Variants in FZD1 observed in about 807,000 individuals in gnomAD.
FZD1 encodes frizzled class receptor 1.
Under a neutral mutation model 48.0 loss-of-function variants are expected in FZD1, and 22 were observed. That is an observed-to-expected ratio of 0.46 (90% CI 0.33 to 0.65). The LOEUF (loss-of-function observed/expected upper bound fraction) is 0.65, where lower values mean the gene tolerates loss of function less well. Among genes scored for constraint, FZD1 ranks in the 30% least tolerant of loss-of-function variants. The pLI is 0.02. For missense variants in FZD1, 843 were observed against 898.1 expected (o/e 0.94, Z 0.78); for synonymous variants, 486 against 409.6 (o/e 1.19, Z -2.25).
Position 91,266,165 on chromosome 7 carries a change from C to G in FZD1, c.1285C>G (p.Leu429Val). 1 of 1,614,196 alleles carries G rather than the reference C, an allele frequency of 6.2e-7. No individual in the cohort carries two copies. Among genetic ancestry groups the G allele is most frequent in the Non-Finnish European group, 8.5e-7 (1 of 1,180,038 alleles). Residue 429 changes from leucine (L) to valine (V), a missense_variant, in exon 1 of 1, where the codon CTG becomes GTG. This residue lies in a region of FZD1 where 353 missense variants were observed against 431.6 expected (regional missense o/e 0.82). Coordinates refer to ENST00000287934, the MANE Select transcript of FZD1 (RefSeq NM_003505.2). The surrounding 1 kb of genome is among the most constrained non-coding windows in gnomAD (Gnocchi z 6.8). ...GGTGATCCTGTCGCTCACCTGGTTC[C>G]TGGCGGCTGGCATGAAGTGGGGCCA... is the stretch of plus-strand genomic sequence containing the variant. ...WWVILSLTWF[L>V]AAGMKWGHEA...
In FZD1 at chr7:91,265,606, G is replaced by A; in HGVS notation, c.726G>A (p.Leu242=). 6.2e-7 allele frequency: 1 copy of A among 1,607,392 alleles called. No homozygotes were observed. Residue 242 remains leucine (L), a synonymous_variant, in exon 1 of 1, where the codon CTG becomes CTA. Transcript: ENST00000287934. The surrounding 1 kb of genome is among the most constrained non-coding windows in gnomAD (Gnocchi z 6.9). ...TSDKGTPTPS[L]LPEFWTSNPQ... Reference sequence around the variant, plus strand: ...ACAAGGGCACCCCGACGCCCTCGCTGCTTCCAGAGTTCTGGACCAGCAACC... The same window carrying A: ...ACAAGGGCACCCCGACGCCCTCGCTACTTCCAGAGTTCTGGACCAGCAACC...
At position 91,264,630 on chromosome 7, in the gene FZD1, A is replaced by G; in HGVS notation, c.-251A>G. 2.6e-6 allele frequency: 1 copy of G among 383,004 alleles called. No homozygotes were observed. The highest frequency in any genetic ancestry group is 4.6e-6 in the Non-Finnish European group (1 of 216,502). 23.7% of individuals were successfully genotyped at this position (383,004 alleles called of 1,614,324 possible). A position where few individuals can be genotyped will look rare whatever the true frequency, so the allele number is the denominator to read the frequency against. On this transcript the variant is annotated 5_prime_UTR_variant, in exon 1 of 1. Coordinates refer to ENST00000287934, the MANE Select transcript of FZD1 (RefSeq NM_003505.2). ...GGGAGCCAGCGAGCCGAGGGCCAGG[A>G]AGGCGGGACACGACCCCGGCGCGCC...
chr7:91,265,846 G>C lies in FZD1; in HGVS notation c.966G>C (p.Trp322Cys). Reference protein sequence around the residue: ...GPEELRFSRTWIGIWSVLCCA... With the variant: ...GPEELRFSRTCIGIWSVLCCA... ...AGGAGCTGCGCTTCTCGCGCACCTG[G>C]ATTGGCATTTGGTCAGTGCTGTGCT... The change falls in exon 1 of 1, where the codon TGG becomes TGC. Residue 322 changes from tryptophan (W) to cysteine (C), a missense_variant. Around this residue, in one of 2 missense-constraint regions of FZD1, gnomAD observed 490 missense variants for 466.5 expected, o/e 1.05. Transcript: ENST00000287934. The surrounding 1 kb of genome is among the most constrained non-coding windows in gnomAD (Gnocchi z 6.9). 2.5e-6 allele frequency: 4 copies of C among 1,614,056 alleles called. No individual in the cohort carries two copies. The highest frequency in any genetic ancestry group is 1.3e-5 in the African/African-American group (1 of 75,060).
rs1435003496 is a variant in FZD1 at position 91,268,683 on chromosome 7, AT to A, written c.*1862del. 4.8e-5 allele frequency: 8 copies of A among 166,024 alleles called. No individual in the cohort carries two copies. Among genetic ancestry groups the A allele is most frequent in the Middle Eastern group, 3.1e-3 (1 of 318 alleles). The allele number at this position is 166,024 out of a possible 1,614,324, so 10.3% of individuals were successfully genotyped here. ...ATATATATATAATACCATATTTTTA[AT>A]TTCACAAATAAAAAATTCAAAGTTT... On this transcript the variant is annotated 3_prime_UTR_variant, in exon 1 of 1. Transcript: ENST00000287934.
Position 91,265,060 on chromosome 7 carries a change from G to C in FZD1, c.180G>C (p.Trp60Cys). ...CGCGCCAGCTGCTGCTGCTGCTTTGGCTGCTGGAGGCTCCGCTGCTGCTGG... is the reference window on the plus strand; with the variant it reads ...CGCGCCAGCTGCTGCTGCTGCTTTGCCTGCTGGAGGCTCCGCTGCTGCTGG... ...RLARQLLLLLWLLEAPLLLGV... is the reference protein window; with the variant it reads ...RLARQLLLLLCLLEAPLLLGV... The change falls in exon 1 of 1, where the codon TGG becomes TGC. Residue 60 changes from tryptophan to cysteine, a missense_variant. Around this residue, in one of 2 missense-constraint regions of FZD1, gnomAD observed 490 missense variants for 466.5 expected, o/e 1.05. Coordinates refer to ENST00000287934, the MANE Select transcript of FZD1 (RefSeq NM_003505.2). This position sits in a 1 kb window ranked among gnomAD's most constrained non-coding sequence, Gnocchi z 6.9. 4 of 1,377,632 alleles carry C rather than the reference G, an allele frequency of 2.9e-6. No individual in the cohort carries two copies. The highest frequency in any genetic ancestry group is 3.7e-6 in the Non-Finnish European group (4 of 1,070,178). 85.3% of individuals were successfully genotyped at this position (1,377,632 alleles called of 1,614,324 possible). A position where few individuals can be genotyped will look rare whatever the true frequency, so the allele number is the denominator to read the frequency against.
chr7:91,267,696 T>C lies in FZD1; in HGVS notation c.*872T>C, dbSNP rs751867283. On this transcript the variant is annotated 3_prime_UTR_variant, in exon 1 of 1. Transcript: ENST00000287934. ...CAGACACTCCCTTCTCCCACCTTAG[T>C]TGGTTACAGGGTGAGTGAGATAACC... The C allele has an allele frequency of 1.1e-4, 19 of 167,048 alleles. No individual in the cohort carries two copies. The highest frequency in any genetic ancestry group is 1.3e-4 in the Non-Finnish European group (9 of 68,150). 10.3% of individuals were successfully genotyped at this position (167,048 alleles called of 1,614,324 possible).
At position 91,265,025 on chromosome 7, in the gene FZD1, C is replaced by A. The variant is rs1330007589; in HGVS notation, c.145C>A (p.Arg49=). ...GGRRRPPVDP[R]RLARQLLLLL... ...CCGCCGCCGCCCGCCAGTTGACCCC[C>A]GGCGATTGGCGCGCCAGCTGCTGCT... is the stretch of plus-strand genomic sequence containing the variant. Residue 49 remains arginine (R), a synonymous_variant, in exon 1 of 1, where the codon CGG becomes AGG. Transcript: ENST00000287934. The surrounding 1 kb of genome is among the most constrained non-coding windows in gnomAD (Gnocchi z 6.9). 1 of 1,407,586 alleles carries A rather than the reference C, an allele frequency of 7.1e-7. No homozygotes were observed. Among genetic ancestry groups the A allele is most frequent in the East Asian group, 3.1e-5 (1 of 32,518 alleles). The allele number at this position is 1,407,586 out of a possible 1,614,324, so 87.2% of individuals were successfully genotyped here.
In FZD1 at chr7:91,268,676, A is replaced by G. The variant is rs1803926769; in HGVS notation, c.*1852A>G. ...GAAGTTTATATATATATAATACCAT[A>G]TTTTTAATTTCACAAATAAAAAATT... On this transcript the variant is annotated 3_prime_UTR_variant, in exon 1 of 1. Transcript: ENST00000287934. 4.2e-5 allele frequency: 7 copies of G among 166,086 alleles called. No homozygotes were observed. In the Admixed American group the frequency reaches 4.6e-4, roughly 11 times the overall value. The allele number at this position is 166,086 out of a possible 1,614,324, so 10.3% of individuals were successfully genotyped here. A position where few individuals can be genotyped will look rare whatever the true frequency, so the allele number is the denominator to read the frequency against.
rs930479844 is a variant in FZD1 at position 91,271,074 on chromosome 7, G to A, written c.*4250G>A. 2 of 167,102 alleles carry A rather than the reference G, an allele frequency of 1.2e-5. No homozygotes were observed. Among genetic ancestry groups the A allele is most frequent in the Middle Eastern group, 3.4e-3 (1 of 296 alleles). 10.4% of individuals were successfully genotyped at this position (167,102 alleles called of 1,614,324 possible). On this transcript the variant is annotated 3_prime_UTR_variant, in exon 1 of 1. Transcript: ENST00000287934. ...ATCTTACAAGGGAAGTACCAAAAAAGTAAAGTTTATTTTGATGACTCTCAA... is the reference window on the plus strand; with the variant it reads ...ATCTTACAAGGGAAGTACCAAAAAAATAAAGTTTATTTTGATGACTCTCAA...
rs953486950 is a variant in FZD1, at chr7:91,265,024, C to A, written c.144C>A (p.Pro48=). 1 of 1,409,310 alleles carries A rather than the reference C, an allele frequency of 7.1e-7. No individual in the cohort carries two copies. 87.3% of individuals were successfully genotyped at this position (1,409,310 alleles called of 1,614,324 possible). ...AGGRRRPPVD[P]RRLARQLLLL... ...GCCGCCGCCGCCCGCCAGTTGACCCCCGGCGATTGGCGCGCCAGCTGCTGC... is the reference window on the plus strand; with the variant it reads ...GCCGCCGCCGCCCGCCAGTTGACCCACGGCGATTGGCGCGCCAGCTGCTGC... Residue 48 remains proline (P), a synonymous_variant, in exon 1 of 1, where the codon CCC becomes CCA. Coordinates refer to ENST00000287934, the MANE Select transcript of FZD1 (RefSeq NM_003505.2). The surrounding 1 kb of genome is among the most constrained non-coding windows in gnomAD (Gnocchi z 6.9).
Position 91,266,965 on chromosome 7 carries a change from T to A in FZD1, c.*141T>A. The A allele has an allele frequency of 1.6e-6, 1 of 617,118 alleles. No individual in the cohort carries two copies. Among genetic ancestry groups the A allele is most frequent in the Non-Finnish European group, 2.9e-6 (1 of 344,388 alleles). 38.2% of individuals were successfully genotyped at this position (617,118 alleles called of 1,614,324 possible). On this transcript the variant is annotated 3_prime_UTR_variant, in exon 1 of 1. Coordinates refer to ENST00000287934, the MANE Select transcript of FZD1 (RefSeq NM_003505.2). This position sits in a 1 kb window ranked among gnomAD's most constrained non-coding sequence, Gnocchi z 6.8. ...TCTTTCGCAGGCTCCTTTGAACAAC[T>A]CAGCTCCTGCAAAAGCTTCCGTCCC...
Position 91,266,618 on chromosome 7 carries a change from C to G in FZD1, c.1738C>G (p.Pro580Ala). 3 of 1,613,356 alleles carry G rather than the reference C, an allele frequency of 1.9e-6. No individual in the cohort carries two copies. Among genetic ancestry groups the G allele is most frequent in the Non-Finnish European group, 2.5e-6 (3 of 1,179,944 alleles). ...CCAGAGCTGCAAGAGCTACGCTATC[C>G]CCTGCCCTCACCTCCAGGCGGGCGG... Reference protein sequence around the residue: ...VAQSCKSYAIPCPHLQAGGGA... With the variant: ...VAQSCKSYAIACPHLQAGGGA... The change falls in exon 1 of 1, where the codon CCC becomes GCC. Residue 580 changes from proline (P) to alanine (A), a missense_variant. Coordinates refer to ENST00000287934, the MANE Select transcript of FZD1 (RefSeq NM_003505.2). This position sits in a 1 kb window ranked among gnomAD's most constrained non-coding sequence, Gnocchi z 6.8.
rs1803911313 is a variant in FZD1, at chr7:91,267,817, A to G, written c.*993A>G. ...TATGGGTTTGGCCAGCGTCATGGAA[A>G]GATGTGGTTACTGAGATTTGGGAAG... On this transcript the variant is annotated 3_prime_UTR_variant, in exon 1 of 1. Coordinates refer to ENST00000287934, the MANE Select transcript of FZD1 (RefSeq NM_003505.2). 2 of 167,112 alleles carry G rather than the reference A, an allele frequency of 1.2e-5. No individual in the cohort carries two copies. The highest frequency in any genetic ancestry group is 1.3e-4 in the Admixed American group (2 of 15,288). The allele number at this position is 167,112 out of a possible 1,614,324, so 10.4% of individuals were successfully genotyped here.
Position 91,266,266 on chromosome 7 carries a change from C to T in FZD1, c.1386C>T (p.Ile462=), listed in dbSNP as rs150597135. The part of the protein sequence containing the change: ...WAVPAIKTIT[I]LALGQVDGDV... ...TGCCGGCCATCAAGACCATCACCAT[C>T]CTGGCGCTGGGCCAGGTGGACGGCG... The change falls in exon 1 of 1, where the codon ATC becomes ATT. Residue 462 remains isoleucine (I), a synonymous_variant. Transcript: ENST00000287934. This position sits in a 1 kb window ranked among gnomAD's most constrained non-coding sequence, Gnocchi z 6.8. 3.7e-6 allele frequency: 6 copies of T among 1,614,064 alleles called. No homozygotes were observed. The South Asian group carries it at 4.4e-5, about 12-fold the overall frequency.
rs750107627 is a variant in FZD1 at position 91,264,908 on chromosome 7, T to A, written c.28T>A (p.Ser10Thr). 2.1e-5 allele frequency: 28 copies of A among 1,322,920 alleles called. 1 individual carries two copies. The South Asian group carries it at 3.0e-4, about 14-fold the overall frequency. The allele number at this position is 1,322,920 out of a possible 1,614,324, so 81.9% of individuals were successfully genotyped here. Residue 10 changes from serine to threonine, a missense_variant, in exon 1 of 1, where the codon TCC becomes ACC. By Grantham distance (58) the Ser-to-Thr change is moderately conservative. This residue lies in a region of FZD1 where 490 missense variants were observed against 466.5 expected (regional missense o/e 1.05). Coordinates refer to ENST00000287934, the MANE Select transcript of FZD1 (RefSeq NM_003505.2). MAEEEAPKK[S>T]RAAGGGASWE... ...GGCTGAGGAGGAGGCGCCTAAGAAGTCCCGGGCCGCCGGCGGTGGCGCGAG... is the reference window on the plus strand; with the variant it reads ...GGCTGAGGAGGAGGCGCCTAAGAAGACCCGGGCCGCCGGCGGTGGCGCGAG...
Position 91,265,878 on chromosome 7 carries a change from C to T in FZD1, c.998C>T (p.Ser333Phe), listed in dbSNP as rs751929647. Reference protein sequence around the residue: ...IGIWSVLCCASTLFTVLTYLV... With the variant: ...IGIWSVLCCAFTLFTVLTYLV... Reference sequence around the variant, plus strand: ...ATTTGGTCAGTGCTGTGCTGCGCCTCCACGCTCTTCACGGTGCTTACGTAC... The same window carrying T: ...ATTTGGTCAGTGCTGTGCTGCGCCTTCACGCTCTTCACGGTGCTTACGTAC... Residue 333 changes from serine to phenylalanine, a missense_variant, in exon 1 of 1, where the codon TCC becomes TTC. This residue lies in a region of FZD1 where 353 missense variants were observed against 431.6 expected (regional missense o/e 0.82). Transcript: ENST00000287934. The surrounding 1 kb of genome is among the most constrained non-coding windows in gnomAD (Gnocchi z 6.9). 6.2e-7 allele frequency: 1 copy of T among 1,614,030 alleles called. No individual in the cohort carries two copies. The highest frequency in any genetic ancestry group is 1.1e-5 in the South Asian group (1 of 91,076).
Position 91,264,465 on chromosome 7 carries a change from GC to G in FZD1, c.-415del. ...GGGCGCGCGAGGCAGAGGAGAGGGAGCGAGTTGAGGGATTGACACAAATGGT... is the reference window on the plus strand; with the variant it reads ...GGGCGCGCGAGGCAGAGGAGAGGGAGGAGTTGAGGGATTGACACAAATGGT... On this transcript the variant is annotated 5_prime_UTR_variant, in exon 1 of 1. Coordinates refer to ENST00000287934, the MANE Select transcript of FZD1 (RefSeq NM_003505.2). 4.0e-6 allele frequency: 1 copy of G among 250,486 alleles called. No individual in the cohort carries two copies. Among genetic ancestry groups the G allele is most frequent in the Non-Finnish European group, 7.6e-6 (1 of 130,956 alleles). 15.5% of individuals were successfully genotyped at this position (250,486 alleles called of 1,614,324 possible).
Position 91,267,029 on chromosome 7 carries a change from GGAT to G in FZD1, c.*207_*209del. The G allele has an allele frequency of 1.8e-6, 1 of 549,402 alleles. No homozygotes were observed. The highest frequency in any genetic ancestry group is 3.4e-5 in the Admixed American group (1 of 29,556). The allele number at this position is 549,402 out of a possible 1,614,324, so 34.0% of individuals were successfully genotyped here. A position where few individuals can be genotyped will look rare whatever the true frequency, so the allele number is the denominator to read the frequency against. ...CACGAGGGCCCGACTGCCAGAGGGAGGATGGACAGACCTCTTGCCCTCACACTC... is the reference window on the plus strand; with the variant it reads ...CACGAGGGCCCGACTGCCAGAGGGAGGGACAGACCTCTTGCCCTCACACTC... On this transcript the variant is annotated 3_prime_UTR_variant, in exon 1 of 1. Transcript: ENST00000287934.
rs755035659 is a variant in FZD1, at chr7:91,265,355, G to A, written c.475G>A (p.Val159Met). 6.2e-7 allele frequency: 1 copy of A among 1,614,124 alleles called. No individual in the cohort carries two copies. Among genetic ancestry groups the A allele is most frequent in the South Asian group, 1.1e-5 (1 of 91,082 alleles). The change falls in exon 1 of 1, where the codon GTG becomes ATG. Residue 159 changes from valine to methionine, a missense_variant. Around this residue, in one of 2 missense-constraint regions of FZD1, gnomAD observed 490 missense variants for 466.5 expected, o/e 1.05. Coordinates refer to ENST00000287934, the MANE Select transcript of FZD1 (RefSeq NM_003505.2). This position sits in a 1 kb window ranked among gnomAD's most constrained non-coding sequence, Gnocchi z 6.9. ...EVHQFYPLVK[V>M]QCSAELKFFL... ...GCACCAGTTCTACCCTCTAGTGAAA[G>A]TGCAGTGTTCCGCTGAGCTCAAGTT...
Sources: allele counts gnomAD v4.1 joint callset, GRCh38; gene constraint gnomAD v4.1.1; regional missense constraint gnomAD v4.1.1; non-coding constraint Gnocchi (gnomAD v3.1); transcripts MANE v1.5; gene names NCBI Gene and HGNC (gene_info 2026-07-23, HGNC 2026-07-21).